KSR2: variants seen among roughly 807,000 people sequenced by gnomAD.
KSR2 encodes kinase suppressor of ras 2.
In KSR2, 25 loss-of-function variants were observed where a neutral mutation model predicts 107.8. That is an observed-to-expected ratio of 0.23 (90% confidence interval 0.17 to 0.32). KSR2 has a LOEUF of 0.32. KSR2 is among the 10% of genes least tolerant of loss of function. KSR2 has a pLI of 1.00. For missense variants in KSR2, 887 were observed against 1,268.9 expected, an observed-to-expected ratio of 0.70 and a Z score of 4.57; for synonymous variants, 480 against 507.0, an observed-to-expected ratio of 0.95 and a Z score of 0.71.
intron 18 of KSR2, 43 bp downstream of exon 18, chr12:117,471,148 G>C (rs752023082): frequency 6.2e-7 from 1 of 1,607,758 alleles, no homozygotes; most frequent in Non-Finnish European, 8.5e-7. Context: ...CTGTGTCTGT[G>C]TCTCCCCTCA....
rs148369739 is a variant in KSR2, at chr12:117,902,888, T to A, written c.181-42457A>T. On this transcript the variant is annotated intron_variant, in intron 1 of 19. Transcript: ENST00000339824. ...AGTCTCTGGAGTCAGATCACCTGGA[T>A]GTGAATCCTGACTTTACTGTCTATG... Among the ~76,000 whole-genome samples, 385 of 152,342 alleles carry A rather than the reference T, an allele frequency of 2.5e-3. 2 individuals carry two copies. The highest frequency in any genetic ancestry group is 8.5e-3 in the African/African-American group (355 of 41,576).
intron 1 of KSR2, among the ~76,000 whole-genome samples, chr12:117,875,141 T>C (rs935774566): frequency 3.3e-5 from 5 of 151,984 alleles, no homozygotes; most frequent in Admixed American, 3.3e-4. Context: ...TTTAGCAGCA[T>C]AAACAACAAC....
chr12:117,654,521 G>C (rs1884050338), intron 5 of KSR2, among the ~76,000 whole-genome samples: 1 of 152,240 alleles, frequency 6.6e-6, no homozygotes, highest in Admixed American at 6.5e-5. Flanking sequence ...CTGAAGGACA[G>C]TGGTGAAGGG....
At chr12:117,595,742 A>G (rs138400362) in intron 5 of KSR2, among the ~76,000 whole-genome samples, 9 of 152,344 alleles carry the variant, frequency 5.9e-5, no homozygotes, top group African/African-American at 2.2e-4. Flanking sequence ...TAACTGACAG[A>G]CAATACTTTG....
intron 4 of KSR2, among the ~76,000 whole-genome samples, chr12:117,723,301 T>C (rs1026866387): frequency 1.6e-5 from 2 of 122,412 alleles, no homozygotes; most frequent in Non-Finnish European, 3.8e-5. Flanking sequence ...AAACTAAAAG[T>C]AAACTGCTTT....
chr12:117,651,328 C>T (rs1289708623), intron 5 of KSR2, among the ~76,000 whole-genome samples: 2 of 152,176 alleles, frequency 1.3e-5, no homozygotes, highest in South Asian at 2.1e-4. Context: ...AGACCTATAA[C>T]CACACTCAAG....
rs1364724469 is a variant in KSR2 at position 117,731,197 on chromosome 12, G to A, written c.986+29814C>T. ...AACTGAGGAGTGTCTCTGCCCGGCC[G>A]CCACCCCGTCTGGGAGGTGAGGAGT... On this transcript the variant is annotated intron_variant, in intron 4 of 19. Coordinates refer to ENST00000339824, the MANE Select transcript of KSR2 (RefSeq NM_173598.6). Among the ~76,000 whole-genome samples the A allele has an allele frequency of 8.2e-5, 12 of 145,534 alleles. No individual in the cohort carries two copies. The East Asian group carries it at 1.9e-3, about 23-fold the overall frequency.
intron 4 of KSR2, among the ~76,000 whole-genome samples, chr12:117,738,462 A>C (rs904377183): frequency 5.3e-5 from 8 of 152,232 alleles, no homozygotes; most frequent in African/African-American, 1.4e-4. Flanking sequence ...CCTGGGCTAC[A>C]AACCTGTTTA....
intron 3 of KSR2, among the ~76,000 whole-genome samples, chr12:117,847,917 G>A (rs1399899342): frequency 6.6e-6 from 1 of 152,182 alleles, no homozygotes; most frequent in East Asian, 1.9e-4. Flanking sequence ...ACCCAACACT[G>A]TGTGTGCCAG....
At chr12:117,762,861 T>G (rs1256331657) in intron 3 of KSR2, among the ~76,000 whole-genome samples, 15 of 150,828 alleles carry the variant, frequency 9.9e-5, no homozygotes, top group African/African-American at 3.7e-4. Context: ...AGAGTGAAAC[T>G]CAGTCTCAAA....
intron 4 of KSR2, among the ~76,000 whole-genome samples, chr12:117,682,782 A>G (rs1885422190): frequency 6.6e-6 from 1 of 152,168 alleles, no homozygotes; most frequent in African/African-American, 2.4e-5. Context: ...AAGTTGACCA[A>G]CAAGAATGGA....
chr12:117,950,737 TA>T (rs1183707257), intron 1 of KSR2, among the ~76,000 whole-genome samples: 1,565 of 127,682 alleles, frequency 0.012, 33 homozygotes, highest in African/African-American at 0.046. Context: ...CAAGACTCTG[TA>T]AAAAAAAAAA....
At chr12:117,482,708 G>T (rs1872244310) in intron 16 of KSR2, among the ~76,000 whole-genome samples, 1 of 152,190 alleles carries the variant, frequency 6.6e-6, no homozygotes, top group Non-Finnish European at 1.5e-5. Flanking sequence ...TCTTCTCCTT[G>T]TGGCTTCAGA....
At chr12:117,509,131 T>C (rs938912874) in intron 14 of KSR2, among the ~76,000 whole-genome samples, 2 of 152,030 alleles carry the variant, frequency 1.3e-5, no homozygotes, top group African/African-American at 4.8e-5. Context: ...GACAAGGAGG[T>C]ACATGGTCCA....
chr12:117,504,173 C>T (rs1257957491), intron 14 of KSR2, among the ~76,000 whole-genome samples: 2 of 152,084 alleles, frequency 1.3e-5, no homozygotes, highest in East Asian at 3.8e-4. Flanking sequence ...AAATAAATGT[C>T]CAGAGAGATT....
At chr12:117,595,761 C>T (rs1043055312) in intron 5 of KSR2, among the ~76,000 whole-genome samples, 1 of 152,158 alleles carries the variant, frequency 6.6e-6, no homozygotes, top group African/African-American at 2.4e-5. Context: ...TGAAGGCCAC[C>T]TCATTAAAAT....
chr12:117,876,250 GGA>G (rs1322894407), intron 1 of KSR2, among the ~76,000 whole-genome samples: 1 of 152,246 alleles, frequency 6.6e-6, no homozygotes, highest in Non-Finnish European at 1.5e-5. Context: ...TTATTTGACT[GGA>G]GAACGTCTCA....
At chr12:117,773,609 AACTTTTGTGAATACTTCAATGC>A (rs1889584382) in intron 3 of KSR2, among the ~76,000 whole-genome samples, 1 of 152,202 alleles carries the variant, frequency 6.6e-6, no homozygotes, top group African/African-American at 2.4e-5. Context: ...CACTGCTTGT[AACTTTTGTGAATACTTCAATGC>A]ACTTGTTAGT....
chr12:117,794,575 A>T (rs1323260588), intron 3 of KSR2, among the ~76,000 whole-genome samples: 1 of 148,608 alleles, frequency 6.7e-6, no homozygotes, highest in Admixed American at 6.7e-5. Flanking sequence ...ACCAACATGC[A>T]CACATACATC....
Sources: gnomAD v4.1 joint callset for allele counts (sites outside exome capture counted in the v4.1 genomes callset) on GRCh38, gnomAD v4.1.1 for gene constraint, MANE v1.5 for transcripts, NCBI Gene and HGNC (gene_info 2026-07-23, HGNC 2026-07-21) for gene names.